SEPTIN11: variants seen among roughly 807,000 people sequenced by gnomAD.
SEPTIN11 encodes the protein septin 11, also known as septin-11.
In SEPTIN11, 25 loss-of-function variants were observed where a neutral mutation model predicts 51.4. That is an observed-to-expected ratio of 0.49 (90% CI 0.35 to 0.68). The LOEUF (loss-of-function observed/expected upper bound fraction) is 0.68, where lower values mean the gene tolerates loss of function less well. Ranked by LOEUF, SEPTIN11 falls within the 30% of genes least tolerant of loss-of-function variation. The pLI is 0.00. For missense variants in SEPTIN11, 381 were observed against 520.8 expected, an observed-to-expected ratio of 0.73 and a Z score of 2.61; for synonymous variants, 174 against 184.1, an observed-to-expected ratio of 0.95 and a Z score of 0.44.
At chr4:77,028,572 GAAAT>G (rs1726357973) in intron 7 of SEPTIN11, 53 bp from the exon 8 acceptor site, 1 of 1,492,986 alleles carries the variant, frequency 6.7e-7, no homozygotes, top group Non-Finnish European at 8.9e-7. Flanking sequence ...TATGTGAACT[GAAAT>G]TTCTTAGTAT....
intron 5 of SEPTIN11, among the ~76,000 whole-genome samples, chr4:77,018,404 G>C (rs559019976): frequency 1.5e-4 from 22 of 150,932 alleles, no homozygotes; most frequent in East Asian, 3.9e-4. Flanking sequence ...AGCCGAGATC[G>C]CGCCACTGCA....
intron 1 of SEPTIN11, among the ~76,000 whole-genome samples, chr4:76,982,657 C>T (rs778980488): frequency 6.6e-6 from 1 of 152,204 alleles, no homozygotes; most frequent in South Asian, 2.1e-4. Flanking sequence ...TCAAAATCAT[C>T]TTCCATTTTA....
chr4:77,009,511 A>G (rs1344048990), intron 3 of SEPTIN11, among the ~76,000 whole-genome samples: 1 of 152,218 alleles, frequency 6.6e-6, no homozygotes, highest in Admixed American at 6.5e-5. Flanking sequence ...GGGAGACTGA[A>G]TGATTGGCCA....
intron 1 of SEPTIN11, among the ~76,000 whole-genome samples, chr4:76,993,268 A>C (rs1323945567): frequency 2.0e-5 from 3 of 152,138 alleles, no homozygotes; most frequent in African/African-American, 7.2e-5. Context: ...TTTCAGTTTC[A>C]TGAACATCAA....
intron 1 of SEPTIN11, chr4:76,973,117 G>T (rs1722319680): frequency 6.6e-6 from 1 of 152,216 alleles, no homozygotes; most frequent in South Asian, 2.1e-4. Flanking sequence ...TTTAAATCAA[G>T]TATCGTTGGC....
At position 76,956,962 on chromosome 4, in the gene SEPTIN11, ATGTG is replaced by A. The variant is rs202035045; in HGVS notation, c.27+7061_27+7064del. Among the ~76,000 whole-genome samples the A allele has an allele frequency of 4.9e-4, 59 of 119,198 alleles. 2 individuals carry two copies. Among genetic ancestry groups the A allele is most frequent in the Admixed American group, 1.3e-3 (16 of 12,076 alleles). The allele number at this position is 119,198 out of a possible 152,430, so 78.2% of individuals were successfully genotyped here. On this transcript the variant is annotated intron_variant, in intron 1 of 9. Transcript: ENST00000264893. ...GATTCTAGCTGGGCATAGTAGAATG[ATGTG>A]TGTGTGTGTGTGTGTGTGTGTGTGT...
At chr4:76,993,152 T>A (rs1472652929) in intron 1 of SEPTIN11, among the ~76,000 whole-genome samples, 1 of 152,110 alleles carries the variant, frequency 6.6e-6, no homozygotes, top group Non-Finnish European at 1.5e-5. Flanking sequence ...TTGATAAGAC[T>A]TCAGAGTTGA....
At chr4:77,022,118 C>T (rs948361006) in intron 7 of SEPTIN11, among the ~76,000 whole-genome samples, 4 of 152,192 alleles carry the variant, frequency 2.6e-5, no homozygotes, top group African/African-American at 9.7e-5. Flanking sequence ...AAAATCAAGT[C>T]CACTTTATGG....
chr4:77,016,599 C>CATATATATATATACACAT (rs1169662898), intron 5 of SEPTIN11, among the ~76,000 whole-genome samples: 4 of 62,434 alleles, frequency 6.4e-5, no homozygotes, highest in African/African-American at 1.6e-4. Context: ...TATACACACA[C>CATATATATATATACACAT]ATATATATAT....
chr4:76,989,612 G>T (rs1008718934), intron 1 of SEPTIN11, among the ~76,000 whole-genome samples: 3 of 152,172 alleles, frequency 2.0e-5, no homozygotes, highest in African/African-American at 7.2e-5. Context: ...CCCAGGGCTG[G>T]ATTAAAATAC....
At chr4:76,965,524 T>TATA (rs2109893406) in intron 1 of SEPTIN11, among the ~76,000 whole-genome samples, 2 of 151,536 alleles carry the variant, frequency 1.3e-5, no homozygotes, top group East Asian at 3.9e-4. Flanking sequence ...TTACTGGTGG[T>TATA]ATAATATTAT....
At chr4:77,020,724 G>A (rs1254422686) in intron 7 of SEPTIN11, 54 bp downstream of exon 7, 2 of 1,535,090 alleles carry the variant, frequency 1.3e-6, no homozygotes, top group South Asian at 1.2e-5. Flanking sequence ...AGAGTGGCAT[G>A]GTGGTACATC....
chr4:77,032,310 G>A (rs1381331092), intron 9 of SEPTIN11, among the ~76,000 whole-genome samples: 2 of 152,336 alleles, frequency 1.3e-5, no homozygotes, highest in African/African-American at 4.8e-5. Context: ...ACAGATCCAA[G>A]TGACCAAAGG....
chr4:77,008,780 G>C (rs757841143), intron 3 of SEPTIN11, among the ~76,000 whole-genome samples: 3 of 152,174 alleles, frequency 2.0e-5, no homozygotes, highest in African/African-American at 4.8e-5. Context: ...ATGTGAAAAC[G>C]TAAGGGCTAG....
At position 76,984,423 on chromosome 4, in the gene SEPTIN11, T is replaced by C. The variant is rs950112951; in HGVS notation, c.28-12002T>C. 1.3e-5 allele frequency among the ~76,000 whole-genome samples: 2 copies of C among 152,188 alleles called. No individual in the cohort carries two copies. The highest frequency in any genetic ancestry group is 4.8e-5 in the African/African-American group (2 of 41,448). On this transcript the variant is annotated intron_variant, in intron 1 of 9. Coordinates refer to ENST00000264893, the MANE Select transcript of SEPTIN11 (RefSeq NM_018243.4). The surrounding 1 kb of genome is among the most constrained non-coding windows in gnomAD (Gnocchi z 4.1). Reference sequence around the variant, plus strand: ...AAGGCACAGAAATATATGGTATCTTTCAGAAAGGAAGTGGCTAATTTATAT... The same window carrying C: ...AAGGCACAGAAATATATGGTATCTTCCAGAAAGGAAGTGGCTAATTTATAT...
intron 3 of SEPTIN11, chr4:77,009,871 G>A (rs2109953793): frequency 6.6e-6 from 1 of 152,436 alleles, no homozygotes; most frequent in East Asian, 1.9e-4. Flanking sequence ...AGAAGGATCA[G>A]CCCCAGACTC....
At chr4:77,019,458 A>C (rs1725539115) in intron 6 of SEPTIN11, among the ~76,000 whole-genome samples, 197 bp downstream of exon 6, 1 of 152,162 alleles carries the variant, frequency 6.6e-6, no homozygotes, top group Admixed American at 6.5e-5. Context: ...CAATGGAGAG[A>C]CATGGCTGCC....
intron 1 of SEPTIN11, among the ~76,000 whole-genome samples, chr4:76,956,483 G>A (rs1368970173): frequency 1.3e-5 from 2 of 152,336 alleles, no homozygotes; most frequent in Middle Eastern, 3.4e-3. Flanking sequence ...TGTTTTGGTG[G>A]CTTACATAGC....
intron 6 of SEPTIN11, among the ~76,000 whole-genome samples, chr4:77,019,624 T>C (rs745611433): frequency 2.6e-5 from 4 of 152,238 alleles, no homozygotes; most frequent in South Asian, 4.1e-4. Flanking sequence ...GAGGGTACTT[T>C]TTTCTCCATC....
Sources: allele counts gnomAD v4.1 joint callset (sites outside exome capture counted in the v4.1 genomes callset), GRCh38; gene constraint gnomAD v4.1.1; non-coding constraint Gnocchi (gnomAD v3.1); transcripts MANE v1.5; gene names NCBI Gene and HGNC (gene_info 2026-07-23, HGNC 2026-07-21).